The following LCLAT1 variants were observed in gnomAD, a reference collection of about 807,000 sequenced individuals.
The protein encoded by LCLAT1 is 1-AGP acyltransferase 8.
In LCLAT1, 11 loss-of-function variants were observed where a neutral mutation model predicts 30.7. That is an observed-to-expected ratio of 0.36 (90% confidence interval 0.23 to 0.59). The LOEUF (loss-of-function observed/expected upper bound fraction) is 0.59. Ranked by LOEUF, LCLAT1 falls within the 20% of genes least tolerant of loss-of-function variation. The pLI, the probability that LCLAT1 is intolerant of heterozygous loss-of-function variation, is 0.77. For synonymous variants in LCLAT1, 155 were observed against 151.3 expected, an observed-to-expected ratio of 1.02 and a Z score of -0.18; for missense variants, 402 against 458.6, an observed-to-expected ratio of 0.88 and a Z score of 1.13.
At chr2:30,576,342 T>C (rs1389468602) in intron 5 of LCLAT1, among the ~76,000 whole-genome samples, 1 of 152,124 alleles carries the variant, frequency 6.6e-6, no homozygotes, top group Non-Finnish European at 1.5e-5. Flanking sequence ...GGTTTCCCAT[T>C]GGAGGGCAAA....
At chr2:30,453,917 C>T (rs1681689447) in intron 1 of LCLAT1, among the ~76,000 whole-genome samples, 1 of 152,182 alleles carries the variant, frequency 6.6e-6, no homozygotes, top group Admixed American at 6.5e-5. Flanking sequence ...CTGTTATTAT[C>T]CTCATTTTAC....
At chr2:30,447,871 G>A (rs1251246922) in intron 1 of LCLAT1, among the ~76,000 whole-genome samples, 1 of 152,244 alleles carries the variant, frequency 6.6e-6, no homozygotes, top group African/African-American at 2.4e-5. Flanking sequence ...GCAGGGGCTG[G>A]GGTTGTCTTC....
intron 5 of LCLAT1, among the ~76,000 whole-genome samples, chr2:30,629,432 C>G (rs1441100172): frequency 6.6e-6 from 1 of 152,040 alleles, no homozygotes; most frequent in Non-Finnish European, 1.5e-5. Flanking sequence ...TGGTGGTGGG[C>G]ACCTGTAATC....
In LCLAT1 at chr2:30,576,424, A is replaced by T. The variant is rs147262621; in HGVS notation, c.628+8248A>T. On this transcript the variant is annotated intron_variant, in intron 5 of 5. Coordinates refer to ENST00000379509, the MANE Select transcript of LCLAT1 (RefSeq NM_001002257.3). ...ATACTATTTACTCATTGTGTGGCAG[A>T]TGGGCACTACATGTTTATGTACTTA... Among the ~76,000 whole-genome samples the T allele has an allele frequency of 6.9e-3, 1,056 of 152,274 alleles. 11 individuals are homozygous for T. The highest frequency in any genetic ancestry group is 0.024 in the African/African-American group (1,002 of 41,566).
chr2:30,600,917 T>A (rs1252753323), intron 5 of LCLAT1, among the ~76,000 whole-genome samples: 3 of 152,180 alleles, frequency 2.0e-5, no homozygotes, highest in Non-Finnish European at 2.9e-5. Flanking sequence ...CTTTCAGGTG[T>A]CTTAGTCAGT....
intron 5 of LCLAT1, among the ~76,000 whole-genome samples, chr2:30,584,400 G>T (rs1385053045): frequency 6.6e-6 from 1 of 152,186 alleles, no homozygotes; most frequent in Non-Finnish European, 1.5e-5. Context: ...ATCACATTTA[G>T]AATGGCTTTA....
chr2:30,641,806 G>C lies in LCLAT1; in HGVS notation c.*1187G>C, dbSNP rs574188170. 5.3e-4 allele frequency: 81 copies of C among 151,982 alleles called. No individual in the cohort carries two copies. The highest frequency in any genetic ancestry group is 1.9e-3 in the African/African-American group (77 of 41,478). 9.4% of individuals were successfully genotyped at this position (151,982 alleles called of 1,614,324 possible). On this transcript the variant is annotated 3_prime_UTR_variant, in exon 6 of 6. Coordinates refer to ENST00000379509, the MANE Select transcript of LCLAT1 (RefSeq NM_001002257.3). ...ATATTCTTGTCATTTGGAGTCAGTG[G>C]AAAATCCAGCACACCAAGCACCAGT...
intron 1 of LCLAT1, among the ~76,000 whole-genome samples, chr2:30,513,629 C>T (rs1268815061): frequency 4.6e-5 from 7 of 152,124 alleles, no homozygotes; most frequent in Non-Finnish European, 1.0e-4. Flanking sequence ...TTGGGCCCCC[C>T]AAATCACTAA....
chr2:30,560,889 T>C (rs1474708460), intron 3 of LCLAT1, among the ~76,000 whole-genome samples: 1 of 152,198 alleles, frequency 6.6e-6, no homozygotes, highest in Non-Finnish European at 1.5e-5. Context: ...AACTGTCTTT[T>C]GTTATGAATC....
rs1453252779 is a variant in LCLAT1 at position 30,568,040 on chromosome 2, T to C, written c.512-20T>C. 1 of 1,227,162 alleles carries C rather than the reference T, an allele frequency of 8.1e-7. No individual in the cohort carries two copies. The highest frequency in any genetic ancestry group is 2.0e-5 in the Admixed American group (1 of 51,088). The allele number at this position is 1,227,162 out of a possible 1,614,324, so 76.0% of individuals were successfully genotyped here. A position where few individuals can be genotyped will look rare whatever the true frequency, so the allele number is the denominator to read the frequency against. ...TTTCCCTTTAGTTTATGATTTATAA[T>C]GGTCCATTGTTTTGTTTAGAAAACA... On this transcript the variant is annotated intron_variant, in intron 4 of 5. Coordinates refer to ENST00000379509, the MANE Select transcript of LCLAT1 (RefSeq NM_001002257.3).
intron 4 of LCLAT1, among the ~76,000 whole-genome samples, chr2:30,564,908 A>C (rs905879337): frequency 6.6e-6 from 1 of 152,208 alleles, no homozygotes; most frequent in Admixed American, 6.5e-5. Context: ...AATGGAAGCA[A>C]TATATGTTAA....
At chr2:30,452,396 T>C (rs1014388990) in intron 1 of LCLAT1, among the ~76,000 whole-genome samples, 77 of 151,848 alleles carry the variant, frequency 5.1e-4, no homozygotes, top group African/African-American at 1.7e-3. Context: ...TTTTTTTTTT[T>C]CGCTAAAATG....
At chr2:30,624,896 G>A (rs1668432952) in intron 5 of LCLAT1, among the ~76,000 whole-genome samples, 1 of 152,112 alleles carries the variant, frequency 6.6e-6, no homozygotes, top group Non-Finnish European at 1.5e-5. Flanking sequence ...CGAGAAAAAT[G>A]AAATTATATC....
chr2:30,639,660 TTTAAG>T lies in LCLAT1; in HGVS notation c.629-449_629-445del, dbSNP rs146328868. ...ATGTTTCTCACCACCTAAGTCTGAT[TTTAAG>T]TTAAGTTTTTCTTTTCAGTAGCTAT... On this transcript the variant is annotated intron_variant, in intron 5 of 5. Coordinates refer to ENST00000379509, the MANE Select transcript of LCLAT1 (RefSeq NM_001002257.3). Among the ~76,000 whole-genome samples, 971 of 152,284 alleles carry T rather than the reference TTTAAG, an allele frequency of 6.4e-3. 8 individuals are homozygous for T. Among genetic ancestry groups the T allele is most frequent in the African/African-American group, 0.021 (870 of 41,562 alleles).
At chr2:30,554,340 A>G (rs1664820766) in intron 3 of LCLAT1, among the ~76,000 whole-genome samples, 1 of 152,244 alleles carries the variant, frequency 6.6e-6, no homozygotes, top group Admixed American at 6.5e-5. Context: ...AGTACTAAAA[A>G]ATGGAAAATC....
chr2:30,537,823 T>G (rs1205767242), intron 3 of LCLAT1, among the ~76,000 whole-genome samples: 6 of 152,196 alleles, frequency 3.9e-5, no homozygotes, highest in Admixed American at 1.3e-4. Context: ...ACAGATCGTG[T>G]GTTAGGCCAC....
At chr2:30,605,990 TC>T in intron 5 of LCLAT1, 1 of 1,282,178 alleles carries the variant, frequency 7.8e-7, no homozygotes, top group Non-Finnish European at 1.0e-6. Flanking sequence ...AATCTAATGC[TC>T]CCCACTCCCC....
chr2:30,471,336 A>C (rs1006801217), intron 1 of LCLAT1, among the ~76,000 whole-genome samples: 3 of 151,966 alleles, frequency 2.0e-5, no homozygotes, highest in Non-Finnish European at 4.4e-5. Flanking sequence ...CAGCCTCCTG[A>C]GTAGCTGGAA....
chr2:30,459,765 G>A (rs377679875), intron 1 of LCLAT1: 4 of 1,297,352 alleles, frequency 3.1e-6, no homozygotes, highest in African/African-American at 2.9e-5. Context: ...TTTTTGTCTT[G>A]CTTCATATAT....
Sources: gnomAD v4.1 joint callset for allele counts (sites outside exome capture counted in the v4.1 genomes callset) on GRCh38, gnomAD v4.1.1 for gene constraint, MANE v1.5 for transcripts, NCBI Gene and HGNC (gene_info 2026-07-23, HGNC 2026-07-21) for gene names.